TVP23A: variants seen among roughly 807,000 people sequenced by gnomAD.
TVP23A encodes trans-golgi network vesicle protein 23 homolog A.
Under a neutral mutation model 31.7 loss-of-function variants are expected in TVP23A, and 21 were observed. The ratio of observed to expected loss-of-function variants is 0.66; its 90% confidence interval spans 0.47 to 0.95. The LOEUF (loss-of-function observed/expected upper bound fraction) is 0.95, where lower values mean the gene tolerates loss of function less well. TVP23A is among the 40% of genes least tolerant of loss of function. The pLI is 0.00. For synonymous variants in TVP23A, 104 were observed against 96.0 expected, an observed-to-expected ratio of 1.08 and a Z score of -0.49; for missense variants, 279 against 255.6, an observed-to-expected ratio of 1.09 and a Z score of -0.62.
In TVP23A at chr16:10,818,391, G is replaced by A. The variant is rs1596597441; in HGVS notation, c.9+94C>T. ...GGGTGCAGCCCAGCCCCAGGCCCCGGCGCATCCCTCCTCCTCCTCCCGGCT... is the reference window on the plus strand; with the variant it reads ...GGGTGCAGCCCAGCCCCAGGCCCCGACGCATCCCTCCTCCTCCTCCCGGCT... On this transcript the variant is annotated intron_variant, in intron 1 of 7. Coordinates refer to ENST00000299866, the MANE Select transcript of TVP23A (RefSeq NM_001079512.4). The surrounding 1 kb of genome is among the most constrained non-coding windows in gnomAD (Gnocchi z 4.7). 2.6e-6 allele frequency: 4 copies of A among 1,532,004 alleles called. No homozygotes were observed. Among genetic ancestry groups the A allele is most frequent in the East Asian group, 4.8e-5 (2 of 41,752 alleles). The allele number at this position is 1,532,004 out of a possible 1,614,324, so 94.9% of individuals were successfully genotyped here.
chr16:10,770,647 T>C (rs7191209), intron 6 of TVP23A, among the ~76,000 whole-genome samples: 46,396 of 150,382 alleles, frequency 0.31, 8,014 homozygotes, highest in African/African-American at 0.48. Flanking sequence ...CCAAGGCTGG[T>C]AGATCACTTG....
At chr16:10,782,466 G>C (rs1303681642) in intron 2 of TVP23A, among the ~76,000 whole-genome samples, 4 of 152,074 alleles carry the variant, frequency 2.6e-5, no homozygotes, top group Non-Finnish European at 5.9e-5. Context: ...CTGCTCACCT[G>C]TGTCATGAAG....
intron 2 of TVP23A, among the ~76,000 whole-genome samples, chr16:10,795,058 T>G (rs976454906): frequency 6.6e-6 from 1 of 151,916 alleles, no homozygotes; most frequent in African/African-American, 2.4e-5. Context: ...GGCAGGGACA[T>G]TGGAACACCC....
chr16:10,799,144 C>A (rs181912448), intron 2 of TVP23A, among the ~76,000 whole-genome samples: 25 of 152,360 alleles, frequency 1.6e-4, no homozygotes, highest in African/African-American at 5.1e-4. Flanking sequence ...CTTCTGATGA[C>A]TGCAGCTCTG....
intron 2 of TVP23A, among the ~76,000 whole-genome samples, chr16:10,800,709 A>C (rs1258362903): frequency 6.6e-6 from 1 of 152,166 alleles, no homozygotes; most frequent in Non-Finnish European, 1.5e-5. Context: ...GGCAAAAATC[A>C]CAGGTGGCTC....
Position 10,818,050 on chromosome 16 carries a change from G to C in TVP23A, c.89+53C>G. On this transcript the variant is annotated intron_variant, in intron 2 of 7. Transcript: ENST00000299866. The surrounding 1 kb of genome is among the most constrained non-coding windows in gnomAD (Gnocchi z 4.7). ...ATTTTGAATGAATGAGTGAGTAAATGAATGAATTTGCAGCTTTGGGGAACG... is the reference window on the plus strand; with the variant it reads ...ATTTTGAATGAATGAGTGAGTAAATCAATGAATTTGCAGCTTTGGGGAACG... The C allele has an allele frequency of 2.1e-6, 3 of 1,442,516 alleles. No individual in the cohort carries two copies. The highest frequency in any genetic ancestry group is 2.9e-6 in the Non-Finnish European group (3 of 1,041,538). 89.4% of individuals were successfully genotyped at this position (1,442,516 alleles called of 1,614,324 possible). A position where few individuals can be genotyped will look rare whatever the true frequency, so the allele number is the denominator to read the frequency against.
intron 2 of TVP23A, among the ~76,000 whole-genome samples, chr16:10,775,738 GCTTTT>G (rs2031964972): frequency 4.1e-5 from 6 of 144,774 alleles, no homozygotes; most frequent in African/African-American, 1.6e-4. Context: ...TGTGTAAATT[GCTTTT>G]CTTTTTTTTT....
chr16:10,760,588 T>A (rs1900879089), downstream of TVP23A, among the ~76,000 whole-genome samples: 1 of 152,158 alleles, frequency 6.6e-6, no homozygotes, highest in Admixed American at 6.5e-5. Context: ...AATTAAAAAG[T>A]TAGCCAGGCA....
intron 2 of TVP23A, among the ~76,000 whole-genome samples, chr16:10,812,622 G>A (rs886745103): frequency 7.2e-5 from 11 of 152,156 alleles, no homozygotes; most frequent in East Asian, 1.9e-4. Context: ...ACTTGAGGAC[G>A]TTATGCTAAG....
At chr16:10,776,947 C>T (rs2032067019) in intron 2 of TVP23A, among the ~76,000 whole-genome samples, 1 of 152,058 alleles carries the variant, frequency 6.6e-6, no homozygotes, top group Non-Finnish European at 1.5e-5. Context: ...TGGGTTTTAG[C>T]CGGCTTTTTT....
rs1329181259 is a variant in TVP23A, at chr16:10,779,204, C to G, written c.90-4108G>C. ...TGTTACTCAAACAGAGTTCAAAGCC[C>G]AAAGCAAGTAGAAGAGGACGCCTGT... On this transcript the variant is annotated intron_variant, in intron 2 of 7. Transcript: ENST00000299866. The surrounding 1 kb of genome is among the most constrained non-coding windows in gnomAD (Gnocchi z 4.9). Among the ~76,000 whole-genome samples, 1 of 152,106 alleles carries G rather than the reference C, an allele frequency of 6.6e-6. No homozygotes were observed. Among genetic ancestry groups the G allele is most frequent in the Non-Finnish European group, 1.5e-5 (1 of 68,020 alleles).
chr16:10,785,358 C>T (rs1168906510), intron 2 of TVP23A, among the ~76,000 whole-genome samples: 1 of 151,772 alleles, frequency 6.6e-6, no homozygotes, highest in Non-Finnish European at 1.5e-5. Flanking sequence ...GAGCAGAGAT[C>T]GCACCACTGC....
At chr16:10,787,794 C>T (rs59846619) in intron 2 of TVP23A, among the ~76,000 whole-genome samples, 4,498 of 152,104 alleles carry the variant, frequency 0.03, 191 homozygotes, top group African/African-American at 0.099. Context: ...TGTCAGTGTC[C>T]GTGATCTTCT....
chr16:10,786,106 C>A (rs1441161876), intron 2 of TVP23A, among the ~76,000 whole-genome samples: 2 of 152,212 alleles, frequency 1.3e-5, no homozygotes, highest in Non-Finnish European at 2.9e-5. Context: ...ATGCATTTAT[C>A]TCAGTGAGCA....
intron 2 of TVP23A, among the ~76,000 whole-genome samples, chr16:10,806,230 C>T (rs138424310): frequency 6.6e-6 from 1 of 152,112 alleles, no homozygotes; most frequent in Admixed American, 6.5e-5. Flanking sequence ...GTAATCCCAG[C>T]TACTCAGAAG....
intron 2 of TVP23A, among the ~76,000 whole-genome samples, chr16:10,806,262 G>C (rs2033939506): frequency 6.6e-6 from 1 of 152,150 alleles, no homozygotes; most frequent in African/African-American, 2.4e-5. Context: ...AGAATCACTT[G>C]AACCTGTGAG....
At position 10,795,344 on chromosome 16, in the gene TVP23A, G is replaced by A. The variant is rs1481313801; in HGVS notation, c.90-20248C>T. On this transcript the variant is annotated intron_variant, in intron 2 of 7. Transcript: ENST00000299866. ...TGGCTAACTGCAACCTCCACCTCCC[G>A]GGTTCAAGTGATTCTCCTGCCTCAG... is the stretch of plus-strand genomic sequence containing the variant. Among the ~76,000 whole-genome samples, 4 of 151,518 alleles carry A rather than the reference G, an allele frequency of 2.6e-5. No homozygotes were observed. The South Asian group carries it at 8.3e-4, about 32-fold the overall frequency.
rs1238136284 is a variant in TVP23A at position 10,779,846 on chromosome 16, TG to T, written c.90-4751del. ...CTCACGCCTGTAATCCCCAGCCCTT[TG>T]GGAAGCTGAGGCAGGCAGATCACTT... On this transcript the variant is annotated intron_variant, in intron 2 of 7. Coordinates refer to ENST00000299866, the MANE Select transcript of TVP23A (RefSeq NM_001079512.4). This position sits in a 1 kb window ranked among gnomAD's most constrained non-coding sequence, Gnocchi z 4.9. Among the ~76,000 whole-genome samples the T allele has an allele frequency of 2.6e-5, 4 of 152,180 alleles. No homozygotes were observed. Among genetic ancestry groups the T allele is most frequent in the Non-Finnish European group, 5.9e-5 (4 of 68,028 alleles).
At chr16:10,814,436 C>A (rs1300737381) in intron 2 of TVP23A, among the ~76,000 whole-genome samples, 1 of 152,202 alleles carries the variant, frequency 6.6e-6, no homozygotes, top group African/African-American at 2.4e-5. Context: ...AGACCACCAG[C>A]CTGAGTGTCA....
Sources: gnomAD v4.1 joint callset for allele counts (sites outside exome capture counted in the v4.1 genomes callset) on GRCh38, gnomAD v4.1.1 for gene constraint, Gnocchi (gnomAD v3.1) non-coding constraint, MANE v1.5 for transcripts, NCBI Gene and HGNC (gene_info 2026-07-23, HGNC 2026-07-21) for gene names.